The following GNG4 variants were observed in gnomAD, a reference collection of about 807,000 sequenced individuals.
GNG4 encodes guanine nucleotide-binding protein G(I)/G(S)/G(O) subunit gamma-4.
Under a neutral mutation model 5.8 loss-of-function variants are expected in GNG4, and 4 were observed. That is an observed-to-expected ratio of 0.69 (90% confidence interval 0.34 to 1.57). The LOEUF (loss-of-function observed/expected upper bound fraction) is 1.57, where lower values mean the gene tolerates loss of function less well. Among genes scored for constraint, GNG4 ranks in the 40% most tolerant of loss-of-function variants. The probability of loss-of-function intolerance (pLI) is 0.06; values close to 1 mark genes in which losing one functional copy is unlikely to be tolerated. For missense variants in GNG4, 96 were observed against 95.1 expected, an observed-to-expected ratio of 1.01 and a Z score of -0.04; for synonymous variants, 29 against 32.9, an observed-to-expected ratio of 0.88 and a Z score of 0.41.
At chr1:235,628,280 G>A (rs1026786674) in intron 1 of GNG4, among the ~76,000 whole-genome samples, 4 of 152,180 alleles carry the variant, frequency 2.6e-5, no homozygotes, top group African/African-American at 9.7e-5. Flanking sequence ...AACCCCAGAG[G>A]TGAGAAAGAA....
At chr1:235,576,622 A>C (rs6677838) in intron 3 of GNG4, among the ~76,000 whole-genome samples, 30,206 of 152,100 alleles carry the variant, frequency 0.2, 3,456 homozygotes, top group African/African-American at 0.3. Context: ...TTAGCTGCTG[A>C]TAAGAGTTTG....
intron 1 of GNG4, among the ~76,000 whole-genome samples, chr1:235,612,459 C>T (rs367740394): frequency 7.8e-4 from 119 of 152,224 alleles, no homozygotes; most frequent in African/African-American, 2.6e-3. Flanking sequence ...GGCAGTATCT[C>T]GGGGACGTGA....
In GNG4 at chr1:235,649,534, C is replaced by G. The variant is rs972787554; in HGVS notation, c.-123+128G>C. 1.3e-5 allele frequency: 2 copies of G among 152,220 alleles called. No homozygotes were observed. Among genetic ancestry groups the G allele is most frequent in the Non-Finnish European group, 2.9e-5 (2 of 68,102 alleles). The allele number at this position is 152,220 out of a possible 1,614,324, so 9.4% of individuals were successfully genotyped here. ...GCAGCAGCAGCTGGCGGCGTGAGGA[C>G]CACACCGGCGCCAGAGCCGTCTCCC... On this transcript the variant is annotated intron_variant, in intron 1 of 3. Coordinates refer to ENST00000391854, the MANE Select transcript of GNG4 (RefSeq NM_001098722.2). The surrounding 1 kb of genome is among the most constrained non-coding windows in gnomAD (Gnocchi z 5.7).
At chr1:235,613,753 T>C (rs1688530414) in intron 1 of GNG4, among the ~76,000 whole-genome samples, 1 of 152,210 alleles carries the variant, frequency 6.6e-6, no homozygotes, top group Non-Finnish European at 1.5e-5. Context: ...TAAACTGGTG[T>C]TAAGTCACTA....
At chr1:235,581,542 T>C (rs1687636951) in intron 3 of GNG4, among the ~76,000 whole-genome samples, 1 of 151,128 alleles carries the variant, frequency 6.6e-6, no homozygotes. Context: ...AAGGTGTGTA[T>C]CGCCTCCCCC....
At chr1:235,641,097 A>C (rs979562345) in intron 1 of GNG4, among the ~76,000 whole-genome samples, 1 of 152,214 alleles carries the variant, frequency 6.6e-6, no homozygotes, top group Admixed American at 6.5e-5. Context: ...GGCATAAATT[A>C]ATCTGTAGGC....
chr1:235,563,941 G>C (rs1024683067), intron 3 of GNG4, among the ~76,000 whole-genome samples: 4 of 152,156 alleles, frequency 2.6e-5, no homozygotes, highest in Non-Finnish European at 5.9e-5. Context: ...TGAATCTTAA[G>C]CCCACTTCTC....
chr1:235,623,696 G>C (rs1181303310), intron 1 of GNG4, among the ~76,000 whole-genome samples: 4 of 152,070 alleles, frequency 2.6e-5, no homozygotes, highest in Admixed American at 2.6e-4. Flanking sequence ...AATCTTTCCT[G>C]ACCTCCAGAG....
intron 3 of GNG4, among the ~76,000 whole-genome samples, chr1:235,564,071 A>G (rs1314340090): frequency 6.6e-6 from 1 of 152,234 alleles, no homozygotes; most frequent in Non-Finnish European, 1.5e-5. Flanking sequence ...ATACACCATG[A>G]AATACAATGC....
intron 1 of GNG4, among the ~76,000 whole-genome samples, chr1:235,630,526 G>A (rs1236292441): frequency 2.6e-5 from 4 of 152,162 alleles, no homozygotes; most frequent in East Asian, 1.9e-4. Flanking sequence ...GAAAGTACAC[G>A]GTTTGCAAAG....
chr1:235,648,151 G>T lies in GNG4; in HGVS notation c.-123+1511C>A, dbSNP rs566180699. Reference sequence around the variant, plus strand: ...ACATCCTCCACTGGCTTCCTTGGGCGAATTTTAAGGCCTATGAGCACTGGA... The same window carrying T: ...ACATCCTCCACTGGCTTCCTTGGGCTAATTTTAAGGCCTATGAGCACTGGA... On this transcript the variant is annotated intron_variant, in intron 1 of 3. Coordinates refer to ENST00000391854, the MANE Select transcript of GNG4 (RefSeq NM_001098722.2). This position sits in a 1 kb window ranked among gnomAD's most constrained non-coding sequence, Gnocchi z 5.0. Among the ~76,000 whole-genome samples the T allele has an allele frequency of 5.3e-5, 8 of 152,180 alleles. No individual in the cohort carries two copies. In the East Asian group the frequency reaches 1.5e-3, roughly 29 times the overall value.
chr1:235,605,956 G>GTGT (rs1456169523), intron 1 of GNG4, among the ~76,000 whole-genome samples: 15 of 80,704 alleles, frequency 1.9e-4, no homozygotes, highest in African/African-American at 6.8e-4. Context: ...TTGAGAGTGT[G>GTGT]GGGGGGTGGG....
intron 1 of GNG4, among the ~76,000 whole-genome samples, chr1:235,646,148 C>A (rs1015049866): frequency 5.3e-5 from 8 of 152,178 alleles, no homozygotes; most frequent in African/African-American, 1.9e-4. Flanking sequence ...ATGTGTCACA[C>A]CACAGAAAGC....
chr1:235,560,208 C>T (rs1254353918), intron 3 of GNG4, among the ~76,000 whole-genome samples: 1 of 152,140 alleles, frequency 6.6e-6, no homozygotes, highest in East Asian at 1.9e-4. Context: ...TCATATATTG[C>T]CGTGGTTTGA....
At chr1:235,647,952 G>A (rs1657552974) in intron 1 of GNG4, among the ~76,000 whole-genome samples, 1 of 152,118 alleles carries the variant, frequency 6.6e-6, no homozygotes, top group Admixed American at 6.5e-5. Flanking sequence ...TTCAAAGAAT[G>A]CACTGAATAT....
intron 1 of GNG4, among the ~76,000 whole-genome samples, chr1:235,626,958 CAAAAAAAAAAAAAAAAAAAAAAAAAA>C (rs776506587): frequency 0.55 from 42,913 of 77,768 alleles, 8,183 homozygotes; most frequent in Admixed American, 0.63. Flanking sequence ...GACTCTATCT[CAAAAAAAAAAAAAAAAAAAAAAAAAA>C]AAAAAAAAAA....
rs1688154830 is a variant in GNG4 at position 235,597,609 on chromosome 1, TG to T, written c.-122-2099del. On this transcript the variant is annotated intron_variant, in intron 1 of 3. Coordinates refer to ENST00000391854, the MANE Select transcript of GNG4 (RefSeq NM_001098722.2). ...TTTGCTGTGTGTGTGTGTGTGTGTG[TG>T]TGTGTGTGTGTGTGTGTGTATTTTT... Among the ~76,000 whole-genome samples the T allele has an allele frequency of 2.7e-5, 3 of 109,166 alleles. No individual in the cohort carries two copies. In the South Asian group the frequency reaches 7.9e-4, roughly 29 times the overall value. The allele number at this position is 109,166 out of a possible 152,430, so 71.6% of individuals were successfully genotyped here.
intron 3 of GNG4, among the ~76,000 whole-genome samples, chr1:235,577,282 T>C (rs2841877): frequency 0.39 from 58,723 of 151,906 alleles, 12,838 homozygotes; most frequent in East Asian, 0.79. Context: ...GCCAGCTCTG[T>C]GGGCCTGGGA....
At chr1:235,629,801 A>G (rs1460408438) in intron 1 of GNG4, among the ~76,000 whole-genome samples, 4 of 152,028 alleles carry the variant, frequency 2.6e-5, no homozygotes, top group Non-Finnish European at 5.9e-5. Flanking sequence ...CATGTTGGCT[A>G]GGCTGGTCTC....
Sources: allele counts gnomAD v4.1 joint callset (sites outside exome capture counted in the v4.1 genomes callset), GRCh38; gene constraint gnomAD v4.1.1; non-coding constraint Gnocchi (gnomAD v3.1); transcripts MANE v1.5; gene names NCBI Gene and HGNC (gene_info 2026-07-23, HGNC 2026-07-21).